Variants in CACNA1D observed in about 807,000 individuals in gnomAD.
CACNA1D encodes the protein voltage-dependent L-type calcium channel subunit alpha-1D.
Under a neutral mutation model 257.1 loss-of-function variants are expected in CACNA1D, and 55 were observed. The observed-to-expected ratio is 0.21, with a 90% CI of 0.17 to 0.27. The LOEUF (loss-of-function observed/expected upper bound fraction) is 0.27, where lower values mean the gene tolerates loss of function less well. CACNA1D is among the 10% of genes least tolerant of loss of function. CACNA1D has a pLI of 1.00. For synonymous variants in CACNA1D, 980 were observed against 1,014.9 expected (o/e 0.97, Z 0.65); for missense variants, 1,876 against 2,784.0 (o/e 0.67, Z 7.34).
At chr3:53,803,298 G>A in intron 43 of CACNA1D, 125 bp from the exon 44 acceptor site, 1 of 977,882 alleles carries the variant, frequency 1.0e-6, no homozygotes, top group Non-Finnish European at 1.6e-6. Flanking sequence ...GCTGCCTGAG[G>A]CAGGTGCGCG....
chr3:53,787,575 T>G (rs533461705), intron 40 of CACNA1D, among the ~76,000 whole-genome samples: 5 of 152,192 alleles, frequency 3.3e-5, no homozygotes, highest in African/African-American at 1.2e-4. Context: ...CTCCTCCACC[T>G]GGGCCCTGCT....
chr3:53,717,404 AGCACG>A (rs2094831186), intron 9 of CACNA1D, among the ~76,000 whole-genome samples: 3 of 93,914 alleles, frequency 3.2e-5, no homozygotes, highest in Admixed American at 1.9e-4. Flanking sequence ...CCTGGGCTCC[AGCACG>A]TGTTCGTGAT....
At chr3:53,795,904 C>T (rs1559702362) in intron 40 of CACNA1D, among the ~76,000 whole-genome samples, 1 of 152,158 alleles carries the variant, frequency 6.6e-6, no homozygotes, top group East Asian at 1.9e-4. Flanking sequence ...TTACCCCTGA[C>T]TTTTCAGTGA....
chr3:53,800,288 C>T lies in CACNA1D; in HGVS notation c.4963C>T (p.Arg1655Trp), dbSNP rs761607132. 6.2e-6 allele frequency: 10 copies of T among 1,613,918 alleles called. No individual in the cohort carries two copies. The highest frequency in any genetic ancestry group is 1.3e-5 in the African/African-American group (1 of 74,918). ...ACTGCATGACATTGGGCCAGAAATC[C>T]GGCGTGCTATATCGTGTGATTTGCA... ...RTLHDIGPEI[R>W]RAISCDLQDD... Residue 1655 changes from arginine (R) to tryptophan (W), a missense_variant, in exon 41 of 48, where the codon CGG becomes TGG. Coordinates refer to ENST00000350061, the MANE Select transcript of CACNA1D (RefSeq NM_001128840.3). This position sits in a 1 kb window ranked among gnomAD's most constrained non-coding sequence, Gnocchi z 4.3.
chr3:53,692,772 C>A (rs532392187), intron 8 of CACNA1D, among the ~76,000 whole-genome samples: 1 of 152,330 alleles, frequency 6.6e-6, no homozygotes, highest in South Asian at 2.1e-4. Context: ...GCATCAACAA[C>A]CCTGGCTGGG....
intron 3 of CACNA1D, among the ~76,000 whole-genome samples, chr3:53,596,642 A>G (rs1186629377): frequency 1.3e-5 from 2 of 152,168 alleles, no homozygotes; most frequent in Non-Finnish European, 2.9e-5. Context: ...AGAAGTCAAG[A>G]GTGATGTAAC....
chr3:53,753,520 T>C lies in CACNA1D; in HGVS notation c.3676-52T>C, dbSNP rs2095242874. 4 of 1,179,628 alleles carry C rather than the reference T, an allele frequency of 3.4e-6. No individual in the cohort carries two copies. The South Asian group carries it at 4.9e-5, about 14-fold the overall frequency. 73.1% of individuals were successfully genotyped at this position (1,179,628 alleles called of 1,614,324 possible). A position where few individuals can be genotyped will look rare whatever the true frequency, so the allele number is the denominator to read the frequency against. ...GGCTGGGAGCCTCCATGTGCAAGCA[T>C]GTGAGATCGTGGCTGAGGCTCTGAG... On this transcript the variant is annotated intron_variant, in intron 28 of 47. Coordinates refer to ENST00000350061, the MANE Select transcript of CACNA1D (RefSeq NM_001128840.3).
chr3:53,716,676 T>C (rs1417283099), intron 9 of CACNA1D, among the ~76,000 whole-genome samples: 1 of 152,204 alleles, frequency 6.6e-6, no homozygotes, highest in African/African-American at 2.4e-5. Flanking sequence ...AAGAAAATTA[T>C]TCTATGAGAG....
intron 42 of CACNA1D, among the ~76,000 whole-genome samples, chr3:53,801,769 T>C (rs1212432428): frequency 1.3e-5 from 2 of 152,214 alleles, no homozygotes; most frequent in African/African-American, 4.8e-5. Flanking sequence ...TGAGTCAATA[T>C]TTTAGGCTTT....
intron 10 of CACNA1D, among the ~76,000 whole-genome samples, chr3:53,719,375 T>G (rs920518119): frequency 1.6e-4 from 24 of 152,174 alleles, no homozygotes; most frequent in African/African-American, 5.6e-4. Context: ...ACTCACCCAG[T>G]GGGAGAATGG....
intron 37 of CACNA1D, 74 bp downstream of exon 37, chr3:53,777,030 G>T: frequency 9.1e-7 from 1 of 1,100,598 alleles, no homozygotes; most frequent in South Asian, 1.3e-5. Context: ...CTTGTTAAGT[G>T]ACACAGCCAG....
At chr3:53,598,871 C>T (rs1430485701) in intron 3 of CACNA1D, among the ~76,000 whole-genome samples, 5 of 152,210 alleles carry the variant, frequency 3.3e-5, no homozygotes, top group Non-Finnish European at 7.3e-5. Flanking sequence ...CTGTCCATGT[C>T]ATCTTGGAAG....
chr3:53,638,844 C>A (rs534768188), intron 3 of CACNA1D, among the ~76,000 whole-genome samples: 1 of 152,230 alleles, frequency 6.6e-6, no homozygotes, highest in East Asian at 1.9e-4. Flanking sequence ...GGTGGCTCCA[C>A]CTCCCAGATG....
intron 37 of CACNA1D, among the ~76,000 whole-genome samples, chr3:53,777,950 G>A (rs1034328986): frequency 2.0e-5 from 3 of 152,226 alleles, no homozygotes; most frequent in African/African-American, 7.2e-5. Flanking sequence ...ATAGCAACTA[G>A]TTCTTGCTCC....
At chr3:53,777,066 A>G (rs2095401908) in intron 37 of CACNA1D, 110 bp downstream of exon 37, 2 of 797,108 alleles carry the variant, frequency 2.5e-6, no homozygotes, top group African/African-American at 3.4e-5. Flanking sequence ...CTAGGGATGC[A>G]GCAATGAATA....
At position 53,494,631 on chromosome 3, in the gene CACNA1D, C is replaced by T. The variant is rs1291191632; in HGVS notation, c.-536C>T. On this transcript the variant is annotated 5_prime_UTR_variant, in exon 1 of 48. Transcript: ENST00000350061. ...AGGGCGAAGCCGGCGTGCGGCGCGG[C>T]GCGGCGGGCGCGGAGCGAGCGGGCG... 1 of 145,832 alleles carries T rather than the reference C, an allele frequency of 6.9e-6. No homozygotes were observed. The highest frequency in any genetic ancestry group is 1.5e-5 in the Non-Finnish European group (1 of 65,592). 9.0% of individuals were successfully genotyped at this position (145,832 alleles called of 1,614,324 possible).
intron 40 of CACNA1D, among the ~76,000 whole-genome samples, chr3:53,798,786 C>G (rs528178289): frequency 1.5e-4 from 23 of 152,262 alleles, no homozygotes; most frequent in African/African-American, 2.2e-4. Context: ...TGCAGGAGAC[C>G]AGTTTTGAGC....
rs2095132813 is a variant in CACNA1D, at chr3:53,743,032, C to T, written c.2833C>T (p.Leu945Phe). The T allele has an allele frequency of 1.2e-6, 2 of 1,612,838 alleles. No individual in the cohort carries two copies. The highest frequency in any genetic ancestry group is 8.5e-7 in the Non-Finnish European group (1 of 1,178,960). Residue 945 changes from leucine to phenylalanine, a missense_variant, in exon 22 of 48, where the codon CTC becomes TTC. Transcript: ENST00000350061. ...LLKMTTFGAF[L>F]HKGAFCRNYF... ...CTAGATGACAACTTTTGGAGCTTTC[C>T]TCCACAAAGGGGCCTTCTGCAGGAA... is the stretch of plus-strand genomic sequence containing the variant.
intron 3 of CACNA1D, among the ~76,000 whole-genome samples, chr3:53,587,635 T>C (rs1276955898): frequency 6.6e-6 from 1 of 152,190 alleles, no homozygotes; most frequent in African/African-American, 2.4e-5. Context: ...ATAACTGGAA[T>C]AGTGGACAGG....
Sources: gnomAD v4.1 joint callset for allele counts (sites outside exome capture counted in the v4.1 genomes callset) on GRCh38, gnomAD v4.1.1 for gene constraint, Gnocchi (gnomAD v3.1) non-coding constraint, MANE v1.5 for transcripts, NCBI Gene and HGNC (gene_info 2026-07-23, HGNC 2026-07-21) for gene names.